GLYATL2: variants seen among roughly 807,000 people sequenced by gnomAD.
The protein encoded by GLYATL2 is glycine-N-acyltransferase like 2.
GLYATL2 carries 25 observed loss-of-function variants against 21.4 expected under a neutral mutation model. The ratio of observed to expected loss-of-function variants is 1.17; its 90% CI spans 0.85 to 1.63. GLYATL2 has a LOEUF of 1.63. Among genes scored for constraint, GLYATL2 ranks in the 40% most tolerant of loss-of-function variants. The pLI is 0.00. For missense variants in GLYATL2, 361 were observed against 343.3 expected, an observed-to-expected ratio of 1.05 and a Z score of -0.41; for synonymous variants, 114 against 118.2, an observed-to-expected ratio of 0.96 and a Z score of 0.23.
intron 1 of GLYATL2, among the ~76,000 whole-genome samples, chr11:58,850,704 G>A (rs1448143405): frequency 6.6e-6 from 1 of 151,792 alleles, no homozygotes; most frequent in Non-Finnish European, 1.5e-5. Context: ...TAGCATCAGT[G>A]CCAAGGAAAA....
chr11:58,895,280 A>G (rs1854614325), intron 1 of GLYATL2, among the ~76,000 whole-genome samples: 1 of 152,226 alleles, frequency 6.6e-6, no homozygotes, highest in African/African-American at 2.4e-5. Context: ...TAAGTCCAAA[A>G]TTATCAGTAA....
At chr11:58,857,577 C>T (rs1023672766) in intron 1 of GLYATL2, among the ~76,000 whole-genome samples, 29 of 152,310 alleles carry the variant, frequency 1.9e-4, no homozygotes, top group African/African-American at 6.7e-4. Flanking sequence ...GTGAACTTCA[C>T]CTCCTTTCCA....
rs776223063 is a variant in GLYATL2, at chr11:58,837,238, A to C, written c.313+33T>G. ...CTTCCATATCGGCTAGGAATAAACCATGGATCTTTTTCTTTTAACTCAGAC... is the reference window on the plus strand; with the variant it reads ...CTTCCATATCGGCTAGGAATAAACCCTGGATCTTTTTCTTTTAACTCAGAC... On this transcript the variant is annotated intron_variant, in intron 4 of 5. Transcript: ENST00000287275. The C allele has an allele frequency of 4.3e-6, 7 of 1,613,088 alleles. No homozygotes were observed. In the Admixed American group the frequency reaches 1.0e-4, roughly 23 times the overall value.
chr11:58,889,328 G>C (rs1854499675), intron 1 of GLYATL2, among the ~76,000 whole-genome samples: 1 of 151,740 alleles, frequency 6.6e-6, no homozygotes, highest in African/African-American at 2.4e-5. Context: ...ACGTAATACT[G>C]TACTCTGCAA....
At chr11:58,898,465 A>G (rs955027171) in intron 1 of GLYATL2, among the ~76,000 whole-genome samples, 28 of 139,960 alleles carry the variant, frequency 2.0e-4, no homozygotes, top group African/African-American at 7.1e-4. Flanking sequence ...ATTGTTTTTA[A>G]CTCACTATTG....
At chr11:58,888,824 A>G (rs560871223) in intron 1 of GLYATL2, among the ~76,000 whole-genome samples, 2 of 152,040 alleles carry the variant, frequency 1.3e-5, no homozygotes, top group South Asian at 4.1e-4. Context: ...ATAATGTACA[A>G]CCTAAGAAAG....
chr11:58,887,801 A>G (rs1243719309), intron 1 of GLYATL2, among the ~76,000 whole-genome samples: 2 of 152,296 alleles, frequency 1.3e-5, no homozygotes, highest in East Asian at 1.9e-4. Context: ...TTCAATAAAC[A>G]TCCTTGTATA....
intron 1 of GLYATL2, among the ~76,000 whole-genome samples, chr11:58,843,899 T>C (rs1853596729): frequency 6.6e-6 from 1 of 152,042 alleles, no homozygotes; most frequent in Admixed American, 6.6e-5. Context: ...CAGACATGAA[T>C]AGGATGTAGC....
rs578129793 is a variant in GLYATL2 at position 58,902,338 on chromosome 11, C to T, written n.60+1818G>A. ...AGAAGCCAATTCTCCTCAGTCCTTC[C>T]TGCCACTTCTGCCATTGTACATCCA... is the stretch of plus-strand genomic sequence containing the variant. On this transcript the variant is annotated intron_variant and non_coding_transcript_variant, in intron 1 of 4. Coordinates refer to the GLYATL2 transcript ENST00000533636. Among the ~76,000 whole-genome samples, 978 of 152,272 alleles carry T rather than the reference C, an allele frequency of 6.4e-3. 6 individuals are homozygous for T. The highest frequency in any genetic ancestry group is 0.022 in the African/African-American group (906 of 41,526).
intron 1 of GLYATL2, among the ~76,000 whole-genome samples, chr11:58,855,251 T>C (rs1024348594): frequency 1.3e-5 from 2 of 152,202 alleles, no homozygotes; most frequent in African/African-American, 4.8e-5. Context: ...ACTTGTAAAG[T>C]TGAAATTACT....
chr11:58,857,858 GCTACCCTCATTCC>G (rs1247147264), intron 1 of GLYATL2, among the ~76,000 whole-genome samples: 1 of 131,626 alleles, frequency 7.6e-6, no homozygotes, highest in East Asian at 2.2e-4. Flanking sequence ...TGACTTACCT[GCTACCCTCATTCC>G]CTACTCTTTT....
At chr11:58,888,875 A>G (rs1212802861) in intron 1 of GLYATL2, among the ~76,000 whole-genome samples, 1 of 151,990 alleles carries the variant, frequency 6.6e-6, no homozygotes. Context: ...TAAGAACTAT[A>G]TGAACATCAA....
chr11:58,859,805 G>A (rs1297359405), intron 1 of GLYATL2, among the ~76,000 whole-genome samples: 2 of 152,074 alleles, frequency 1.3e-5, no homozygotes, highest in African/African-American at 4.8e-5. Flanking sequence ...CATGGTGTGA[G>A]ATAAGGTCTA....
In GLYATL2 at chr11:58,870,104, TA is replaced by T. The variant is rs796454122; in HGVS notation, n.61-31737del. Among the ~76,000 whole-genome samples, 422 of 146,682 alleles carry T rather than the reference TA, an allele frequency of 2.9e-3. 4 individuals are homozygous for T. Among genetic ancestry groups the T allele is most frequent in the East Asian group, 8.9e-3 (45 of 5,038 alleles). On this transcript the variant is annotated intron_variant and non_coding_transcript_variant, in intron 1 of 4. Coordinates refer to the GLYATL2 transcript ENST00000533636. Reference sequence around the variant, plus strand: ...GCCTGGGTGACAGAGGGAGACCCTGTAAAAAAAAAAATTACAGGCAGAGAAT... The same window carrying T: ...GCCTGGGTGACAGAGGGAGACCCTGTAAAAAAAAAATTACAGGCAGAGAAT...
intron 2 of GLYATL2, 142 bp downstream of exon 2, chr11:58,839,393 G>C (rs1487755097): frequency 4.2e-6 from 2 of 474,164 alleles, no homozygotes; most frequent in Non-Finnish European, 7.6e-6. Context: ...GTGATTGACT[G>C]GATATTGATA....
intron 1 of GLYATL2, 23 bp from the exon 2 acceptor site, chr11:58,839,675 A>G (rs1590714370): frequency 8.5e-7 from 1 of 1,174,502 alleles, no homozygotes; most frequent in East Asian, 2.3e-5. Flanking sequence ...ACACAAAAAC[A>G]AAAATACCTA....
chr11:58,870,479 A>G (rs1479309274), intron 1 of GLYATL2, among the ~76,000 whole-genome samples: 1 of 152,208 alleles, frequency 6.6e-6, no homozygotes, highest in Non-Finnish European at 1.5e-5. Context: ...GCACAAAAGA[A>G]TGACAAAATC....
At chr11:58,859,271 C>G (rs1339727097) in intron 1 of GLYATL2, among the ~76,000 whole-genome samples, 1 of 152,134 alleles carries the variant, frequency 6.6e-6, no homozygotes, top group African/African-American at 2.4e-5. Context: ...CCATTCCACA[C>G]TACCCTAGGG....
intron 1 of GLYATL2, among the ~76,000 whole-genome samples, chr11:58,875,975 G>T (rs1307104611): frequency 6.6e-6 from 1 of 152,178 alleles, no homozygotes; most frequent in Non-Finnish European, 1.5e-5. Flanking sequence ...ATTTCTTGGA[G>T]GCTTTGTTCA....
Sources: gnomAD v4.1 joint callset for allele counts (sites outside exome capture counted in the v4.1 genomes callset) on GRCh38, gnomAD v4.1.1 for gene constraint, MANE v1.5 for transcripts, NCBI Gene and HGNC (gene_info 2026-07-23, HGNC 2026-07-21) for gene names.